Variants in PDE7B observed in about 807,000 individuals in gnomAD.
PDE7B encodes 3',5'-cyclic-AMP phosphodiesterase 7B.
A neutral mutation model predicts 56.2 loss-of-function variants in PDE7B; 29 were observed. The ratio of observed to expected loss-of-function variants is 0.52; its 90% confidence interval spans 0.38 to 0.70. The LOEUF is 0.70. Among genes scored for constraint, PDE7B ranks in the 30% least tolerant of loss-of-function variants. The probability of loss-of-function intolerance (pLI) is 0.00; values close to 1 mark genes in which losing one functional copy is unlikely to be tolerated. For synonymous variants in PDE7B, 197 were observed against 196.9 expected (o/e 1.00, Z 0.00); for missense variants, 490 against 565.0 (o/e 0.87, Z 1.35).
chr6:136,011,341 C>T (rs151318473), intron 2 of PDE7B, among the ~76,000 whole-genome samples: 14 of 152,256 alleles, frequency 9.2e-5, no homozygotes, highest in Admixed American at 6.5e-4. Context: ...GAATATAAAA[C>T]GTGGAGCATC....
At chr6:135,882,320 C>A (rs933911591) in intron 1 of PDE7B, among the ~76,000 whole-genome samples, 7 of 152,120 alleles carry the variant, frequency 4.6e-5, no homozygotes, top group African/African-American at 1.4e-4. Context: ...TACTATGAAC[C>A]TCATGTAAAA....
chr6:135,880,750 G>C (rs1775593344), intron 1 of PDE7B, among the ~76,000 whole-genome samples: 2 of 152,142 alleles, frequency 1.3e-5, no homozygotes, highest in South Asian at 4.1e-4. Flanking sequence ...TTCAGCAAAG[G>C]GGATTTCAAA....
At chr6:135,901,990 C>T (rs951935044) in intron 1 of PDE7B, among the ~76,000 whole-genome samples, 5 of 152,076 alleles carry the variant, frequency 3.3e-5, no homozygotes, top group East Asian at 1.9e-4. Flanking sequence ...TCTGGTTGAA[C>T]GATATCATCT....
At chr6:136,036,179 T>C (rs551414247) in intron 2 of PDE7B, among the ~76,000 whole-genome samples, 2 of 152,328 alleles carry the variant, frequency 1.3e-5, no homozygotes, top group East Asian at 3.9e-4. Flanking sequence ...AGATAAGGAC[T>C]GGACGGGCTG....
In PDE7B at chr6:136,193,534, C is replaced by G. The variant is rs1319017988; in HGVS notation, c.*1694C>G. 1 of 152,348 alleles carries G rather than the reference C, an allele frequency of 6.6e-6. No homozygotes were observed. Among genetic ancestry groups the G allele is most frequent in the African/African-American group, 2.4e-5 (1 of 41,570 alleles). 9.4% of individuals were successfully genotyped at this position (152,348 alleles called of 1,614,324 possible). A position where few individuals can be genotyped will look rare whatever the true frequency, so the allele number is the denominator to read the frequency against. On this transcript the variant is annotated 3_prime_UTR_variant, in exon 13 of 13. Transcript: ENST00000308191. ...TGTTACAGCATTCTTCTCTAGGCTG[C>G]TAAACGCTGTGCATTGAACCTTTTC...
At chr6:135,884,533 G>A (rs9321540) in intron 1 of PDE7B, among the ~76,000 whole-genome samples, 5,585 of 151,952 alleles carry the variant, frequency 0.037, 203 homozygotes, top group East Asian at 0.11. Context: ...CTCTATCCTG[G>A]TCCCAGTACT....
chr6:136,164,006 C>G (rs1344922319), intron 8 of PDE7B, among the ~76,000 whole-genome samples: 1 of 152,200 alleles, frequency 6.6e-6, no homozygotes, highest in Admixed American at 6.5e-5. Context: ...TGCCTGTTCC[C>G]CAGTTCCAAA....
At chr6:136,172,394 G>A (rs539307588) in intron 8 of PDE7B, among the ~76,000 whole-genome samples, 4 of 152,260 alleles carry the variant, frequency 2.6e-5, no homozygotes, top group African/African-American at 9.6e-5. Flanking sequence ...GCCAGTGATG[G>A]TGAGCATTTA....
chr6:136,165,641 G>T (rs773595111), intron 8 of PDE7B: 1 of 152,134 alleles, frequency 6.6e-6, no homozygotes, highest in Non-Finnish European at 1.5e-5. Flanking sequence ...CTCACCCAAG[G>T]TATCTGCTGG....
intron 2 of PDE7B, among the ~76,000 whole-genome samples, chr6:136,088,748 TTGAC>T (rs1777334929): frequency 6.6e-6 from 1 of 152,094 alleles, no homozygotes; most frequent in African/African-American, 2.4e-5. Flanking sequence ...TGCTCTAAAA[TTGAC>T]TGTGGTGATG....
chr6:136,096,745 A>C (rs774911841), intron 2 of PDE7B, among the ~76,000 whole-genome samples: 2 of 152,132 alleles, frequency 1.3e-5, no homozygotes, highest in Non-Finnish European at 2.9e-5. Context: ...AAGCCAATAC[A>C]ATAAAGTGCT....
At chr6:136,133,242 A>T (rs1398175632) in intron 3 of PDE7B, among the ~76,000 whole-genome samples, 1 of 151,020 alleles carries the variant, frequency 6.6e-6, no homozygotes. Flanking sequence ...TAATAATAAT[A>T]TTAATAATAA....
chr6:135,931,206 A>C (rs1024414588), intron 1 of PDE7B, among the ~76,000 whole-genome samples: 1 of 152,240 alleles, frequency 6.6e-6, no homozygotes, highest in Non-Finnish European at 1.5e-5. Context: ...AAAGATACTC[A>C]AGACCAGATC....
intron 2 of PDE7B, chr6:136,047,505 G>C (rs1484773517): frequency 6.6e-6 from 1 of 152,158 alleles, no homozygotes; most frequent in Admixed American, 6.5e-5. Context: ...AGTGGGGAGG[G>C]AATGTAAATA....
intron 2 of PDE7B, among the ~76,000 whole-genome samples, chr6:136,026,789 A>T (rs1307389993): frequency 6.6e-6 from 1 of 152,206 alleles, no homozygotes; most frequent in Non-Finnish European, 1.5e-5. Flanking sequence ...ATTCAAAGGA[A>T]GTGCTTGGGC....
intron 2 of PDE7B, among the ~76,000 whole-genome samples, chr6:136,051,973 G>A (rs1047594472): frequency 6.6e-6 from 1 of 151,782 alleles, no homozygotes; most frequent in African/African-American, 2.4e-5. Flanking sequence ...GCACATGTAT[G>A]GGCTGTTCAG....
rs143864730 is a variant in PDE7B at position 135,938,281 on chromosome 6, C to T, written c.22-9183C>T. On this transcript the variant is annotated intron_variant, in intron 1 of 12. Coordinates refer to ENST00000308191, the MANE Select transcript of PDE7B (RefSeq NM_018945.4). The stretch of plus-strand genomic sequence containing the variant: ...AAATGTGTTTGGCTTTAGTTGTTTG[C>T]CTTCACAGCTATCTTTTTGAAAACA... 4.6e-3 allele frequency among the ~76,000 whole-genome samples: 693 copies of T among 152,280 alleles called. 4 individuals carry two copies. Among genetic ancestry groups the T allele is most frequent in the South Asian group, 0.013 (64 of 4,824 alleles).
At chr6:136,102,184 G>A (rs1777574130) in intron 2 of PDE7B, among the ~76,000 whole-genome samples, 1 of 152,000 alleles carries the variant, frequency 6.6e-6, no homozygotes, top group South Asian at 2.1e-4. Context: ...AAGGACTAAA[G>A]GTGCTCATAC....
At chr6:136,044,898 G>A (rs969344688) in intron 2 of PDE7B, 5 of 151,170 alleles carry the variant, frequency 3.3e-5, no homozygotes, top group East Asian at 1.9e-4. Context: ...ATCTCTGCTC[G>A]TTCTCTGCAA....
Sources: gnomAD v4.1 joint callset for allele counts (sites outside exome capture counted in the v4.1 genomes callset) on GRCh38, gnomAD v4.1.1 for gene constraint, MANE v1.5 for transcripts, NCBI Gene and HGNC (gene_info 2026-07-23, HGNC 2026-07-21) for gene names.